Variants in BYSL observed in about 807,000 individuals in gnomAD.
BYSL encodes bystin like, also known as bystin.
Under a neutral mutation model 45.4 loss-of-function variants are expected in BYSL, and 21 were observed. That is an observed-to-expected ratio of 0.46 (90% CI 0.33 to 0.67). The LOEUF (loss-of-function observed/expected upper bound fraction) is 0.67, where lower values mean the gene tolerates loss of function less well. Ranked by LOEUF, BYSL falls within the 30% of genes least tolerant of loss-of-function variation. The pLI, the probability that BYSL is intolerant of heterozygous loss-of-function variation, is 0.02. For missense variants in BYSL, 522 were observed against 578.5 expected (o/e 0.90, Z 1.00); for synonymous variants, 215 against 231.3 (o/e 0.93, Z 0.64).
upstream of BYSL, chr6:41,921,252 A>C (rs1448874909): frequency 1.6e-6 from 1 of 641,162 alleles, no homozygotes; most frequent in African/African-American, 1.9e-5. Context: ...GAGGTTTCTA[A>C]ATCCAGACAT....
intron 1 of BYSL, among the ~76,000 whole-genome samples, chr6:41,923,040 C>T (rs1775511237): frequency 6.6e-6 from 1 of 152,202 alleles, no homozygotes; most frequent in Non-Finnish European, 1.5e-5. Flanking sequence ...CCACTTTTCA[C>T]CGCTTTGGAA....
Position 41,930,661 on chromosome 6 carries a change from A to G in BYSL, c.597A>G (p.Lys199=), listed in dbSNP as rs1280382204. Residue 199 remains lysine (K), a synonymous_variant, in exon 4 of 7, where the codon AAA becomes AAG. Transcript: ENST00000230340. ...REVLSKYRSG[K]LPKAFKIIPA... ...TATTATCTAAGTACCGCAGTGGAAA[A>G]CTGCCCAAGGCATTTAAGATCATCC... 1 of 1,613,192 alleles carries G rather than the reference A, an allele frequency of 6.2e-7. No homozygotes were observed. Among genetic ancestry groups the G allele is most frequent in the East Asian group, 2.2e-5 (1 of 44,830 alleles).
At chr6:41,929,367 A>G (rs570021293) in intron 2 of BYSL, among the ~76,000 whole-genome samples, 8 of 152,080 alleles carry the variant, frequency 5.3e-5, no homozygotes, top group South Asian at 2.1e-4. Context: ...GCCTTGTACT[A>G]TGTTCCTGTG....
intron 2 of BYSL, among the ~76,000 whole-genome samples, chr6:41,929,327 A>G (rs1270533976): frequency 6.6e-6 from 1 of 152,158 alleles, no homozygotes; most frequent in Non-Finnish European, 1.5e-5. Context: ...GGGAGACCCC[A>G]TCTCTACAGA....
At chr6:41,931,699 C>T (rs752554867) in intron 5 of BYSL, 29 bp from the exon 6 acceptor site, 2 of 1,609,838 alleles carry the variant, frequency 1.2e-6, no homozygotes, top group South Asian at 2.2e-5. Flanking sequence ...ATCCTGGGCT[C>T]ACAGTGGCTG....
chr6:41,923,681 T>G (rs572792231), intron 1 of BYSL, among the ~76,000 whole-genome samples: 1 of 152,130 alleles, frequency 6.6e-6, no homozygotes, highest in Non-Finnish European at 1.5e-5. Context: ...CGACCCTCCC[T>G]GCCTTGGCCT....
chr6:41,930,458 C>T (rs1775621207), intron 3 of BYSL, 177 bp from the exon 4 acceptor site: 12 of 1,203,066 alleles, frequency 1.0e-5, no homozygotes, highest in East Asian at 5.1e-5. Context: ...ATCCTTGGGT[C>T]GGTTACTGGA....
upstream of BYSL, among the ~76,000 whole-genome samples, chr6:41,916,555 G>A (rs774505488): frequency 4.3e-4 from 65 of 151,990 alleles, no homozygotes; most frequent in Admixed American, 9.8e-4. Context: ...ACTCCAGCCT[G>A]GGCAACAAGA....
At chr6:41,926,138 C>T (rs893158737) in intron 1 of BYSL, among the ~76,000 whole-genome samples, 3 of 152,324 alleles carry the variant, frequency 2.0e-5, no homozygotes, top group African/African-American at 7.2e-5. Flanking sequence ...ATTTTCTCTG[C>T]GTCTGGAACA....
chr6:41,924,811 G>T (rs1213361664), intron 1 of BYSL, among the ~76,000 whole-genome samples: 1 of 152,200 alleles, frequency 6.6e-6, no homozygotes, highest in Non-Finnish European at 1.5e-5. Flanking sequence ...ATAGAGACCA[G>T]TGGGCGACTG....
chr6:41,921,870 G>C, intron 1 of BYSL, 40 bp downstream of exon 1: 1 of 1,579,244 alleles, frequency 6.3e-7, no homozygotes, highest in Non-Finnish European at 8.6e-7. Flanking sequence ...ACAGTGGCCA[G>C]TAGTGGGGCG....
At chr6:41,917,399 TAAA>T, upstream of BYSL, 4 of 158,506 alleles carry the variant, frequency 2.5e-5, no homozygotes, top group South Asian at 1.2e-4. Flanking sequence ...GACGCCATCT[TAAA>T]AAAAAAAAAA....
Position 41,933,003 on chromosome 6 carries a change from T to C in BYSL, c.*297T>C, listed in dbSNP as rs1775663196. On this transcript the variant is annotated 3_prime_UTR_variant, in exon 7 of 7. Transcript: ENST00000230340. ...GTGAGTACTTTTTCTATGGCTATTG[T>C]GTCAGGTCACTGTGGATAAAGGCAA... 4 of 401,364 alleles carry C rather than the reference T, an allele frequency of 1.0e-5. No homozygotes were observed. The South Asian group carries it at 1.4e-4, about 14-fold the overall frequency. The allele number at this position is 401,364 out of a possible 1,614,324, so 24.9% of individuals were successfully genotyped here.
intron 1 of BYSL, among the ~76,000 whole-genome samples, chr6:41,923,947 A>G (rs905310554): frequency 6.6e-6 from 1 of 151,948 alleles, no homozygotes; most frequent in African/African-American, 2.4e-5. Flanking sequence ...GTTTGTTCTC[A>G]TACACTTGTA....
At position 41,932,555 on chromosome 6, in the gene BYSL, G is replaced by A. The variant is rs757676085; in HGVS notation, c.1163G>A (p.Arg388His). Residue 388 changes from arginine (R) to histidine (H), a missense_variant, in exon 7 of 7, where the codon CGC (arginine) becomes CAC (histidine). Arg to His is a conservative substitution (Grantham distance 29). Transcript: ENST00000230340. This position sits in a 1 kb window ranked among gnomAD's most constrained non-coding sequence, Gnocchi z 4.7. ...CAGTGCCTCCTGACTTTGGTCCAGCGCTACAAGGCCGACTTGGCCACAGAC... is the reference window on the plus strand; with the variant it reads ...CAGTGCCTCCTGACTTTGGTCCAGCACTACAAGGCCGACTTGGCCACAGAC... The part of the protein sequence containing the change: ...WHQCLLTLVQ[R>H]YKADLATDQK... 2.7e-5 allele frequency: 44 copies of A among 1,614,082 alleles called. No homozygotes were observed. Among genetic ancestry groups the A allele is most frequent in the Non-Finnish European group, 3.5e-5 (41 of 1,180,046 alleles).
rs781422076 is a variant in BYSL, at chr6:41,921,613, G to A, written c.51G>A (p.Ala17=). 5 of 1,604,522 alleles carry A rather than the reference G, an allele frequency of 3.1e-6. No homozygotes were observed. Among genetic ancestry groups the A allele is most frequent in the Non-Finnish European group, 3.4e-6 (4 of 1,174,004 alleles). ...ARGVGGQEKH[A]PLADQILAGN... is the part of the protein sequence containing the mutation. ...GGGTGGGGGGTCAGGAAAAACATGC[G>A]CCCCTGGCCGATCAGATCCTGGCTG... Residue 17 remains alanine (A), a synonymous_variant, in exon 1 of 7, where the codon GCG becomes GCA. Transcript: ENST00000230340.
At chr6:41,924,466 C>T (rs1276750783) in intron 1 of BYSL, among the ~76,000 whole-genome samples, 2 of 152,126 alleles carry the variant, frequency 1.3e-5, no homozygotes, top group African/African-American at 2.4e-5. Context: ...GTGGTATGGT[C>T]GTAGACTATC....
intron 2 of BYSL, among the ~76,000 whole-genome samples, chr6:41,929,928 G>T (rs1211775164): frequency 6.6e-6 from 1 of 152,248 alleles, no homozygotes; most frequent in Non-Finnish European, 1.5e-5. Flanking sequence ...TAAATGGAAT[G>T]ACTTTCAGTT....
chr6:41,910,958 A>C, the BYSL span, among the ~76,000 whole-genome samples: 1 of 151,406 alleles, frequency 6.6e-6, no homozygotes, highest in South Asian at 2.1e-4. Context: ...AAAACACAGA[A>C]ATTAGCCAGG....
Sources: allele counts gnomAD v4.1 joint callset (sites outside exome capture counted in the v4.1 genomes callset), GRCh38; gene constraint gnomAD v4.1.1; non-coding constraint Gnocchi (gnomAD v3.1); transcripts MANE v1.5; gene names NCBI Gene and HGNC (gene_info 2026-07-23, HGNC 2026-07-21).